HAPLN3: variants seen among roughly 807,000 people sequenced by gnomAD.
HAPLN3 encodes the protein extracellular link domain containing, 1.
Under a neutral mutation model 28.1 loss-of-function variants are expected in HAPLN3, and 28 were observed. The observed-to-expected ratio is 1.00, with a 90% CI of 0.74 to 1.37. The LOEUF is 1.37. HAPLN3 is among the 40% of genes most tolerant of loss of function. HAPLN3 has a pLI of 0.00. For synonymous variants in HAPLN3, 211 were observed against 213.1 expected, an observed-to-expected ratio of 0.99 and a Z score of 0.09; for missense variants, 513 against 504.6, an observed-to-expected ratio of 1.02 and a Z score of -0.16.
At chr15:88,887,032 G>C in intron 2 of HAPLN3, 143 bp downstream of exon 2, 2 of 879,376 alleles carry the variant, frequency 2.3e-6, no homozygotes, top group Non-Finnish European at 3.8e-6. Context: ...CCCTGTCTGA[G>C]AAGCAAGCTG....
intron 1 of HAPLN3, among the ~76,000 whole-genome samples, chr15:88,889,390 C>T (rs966282728): frequency 6.6e-6 from 1 of 152,106 alleles, no homozygotes; most frequent in African/African-American, 2.4e-5. Context: ...AGCTGGAGTG[C>T]CGTGGCAAGA....
chr15:88,883,500 G>A (rs1271463499), intron 2 of HAPLN3, among the ~76,000 whole-genome samples: 1 of 152,272 alleles, frequency 6.6e-6, no homozygotes, highest in Non-Finnish European at 1.5e-5. Flanking sequence ...CTGGCACACA[G>A]AAAGTGTCCA....
rs145987263 is a variant in HAPLN3, at chr15:88,895,289, C to A, written c.-48+170G>T. ...TTGTGCCCCGGGCGCCCCTCGCCCG[C>A]GATCACAGCCCATCTCAGCCCGGGC... On this transcript the variant is annotated intron_variant, in intron 1 of 4. Coordinates refer to ENST00000359595, the MANE Select transcript of HAPLN3 (RefSeq NM_178232.4). This position sits in a 1 kb window ranked among gnomAD's most constrained non-coding sequence, Gnocchi z 5.5. Among the ~76,000 whole-genome samples the A allele has an allele frequency of 0.017, 2,655 of 152,314 alleles. 66 individuals carry two copies. Among genetic ancestry groups the A allele is most frequent in the African/African-American group, 0.059 (2,470 of 41,570 alleles).
intron 1 of HAPLN3, chr15:88,893,156 C>T: frequency 1.4e-6 from 1 of 704,500 alleles, no homozygotes. Flanking sequence ...TGGCTCACAC[C>T]TGTAATCCTA....
At chr15:88,893,271 A>G (rs921470831) in intron 1 of HAPLN3, among the ~76,000 whole-genome samples, 34 of 152,030 alleles carry the variant, frequency 2.2e-4, no homozygotes, top group African/African-American at 8.0e-4. Flanking sequence ...TACAAAATTT[A>G]GCTGGGTGTG....
Position 88,877,718 on chromosome 15 carries a change from G to C in HAPLN3, c.*252C>G. On this transcript the variant is annotated 3_prime_UTR_variant, in exon 5 of 5. Transcript: ENST00000359595. This position sits in a 1 kb window ranked among gnomAD's most constrained non-coding sequence, Gnocchi z 5.1. ...GGAGGGAGACCAGCCTGGATGGCGG[G>C]GAACCCTCCAGAAGCCCACAAAACC... 1 of 470,928 alleles carries C rather than the reference G, an allele frequency of 2.1e-6. No homozygotes were observed. 29.2% of individuals were successfully genotyped at this position (470,928 alleles called of 1,614,324 possible).
intron 1 of HAPLN3, among the ~76,000 whole-genome samples, chr15:88,889,347 T>TG (rs1350525623): frequency 1.3e-5 from 2 of 151,978 alleles, no homozygotes; most frequent in South Asian, 4.1e-4. Context: ...TGTTTTGTTT[T>TG]TTTTTAAAGA....
intron 1 of HAPLN3, among the ~76,000 whole-genome samples, chr15:88,894,690 A>C (rs1898109838): frequency 6.6e-6 from 1 of 152,158 alleles, no homozygotes; most frequent in Non-Finnish European, 1.5e-5. Context: ...TCAGCGCTGG[A>C]CACCAAGGTC....
In HAPLN3 at chr15:88,888,808, GAGA is replaced by G. The variant is rs1253163848; in HGVS notation, c.-47-1466_-47-1464del. Among the ~76,000 whole-genome samples, 2 of 152,190 alleles carry G rather than the reference GAGA, an allele frequency of 1.3e-5. No homozygotes were observed. On this transcript the variant is annotated intron_variant, in intron 1 of 4. Coordinates refer to ENST00000359595, the MANE Select transcript of HAPLN3 (RefSeq NM_178232.4). This position sits in a 1 kb window ranked among gnomAD's most constrained non-coding sequence, Gnocchi z 4.1. The stretch of plus-strand genomic sequence containing the variant: ...TGAAGATGCAGGAGTTTGCCAGGTG[GAGA>G]AGGACTGACAGGTTTATCCAGTAGG...
chr15:88,883,568 C>T (rs572048164), intron 2 of HAPLN3, among the ~76,000 whole-genome samples: 4 of 152,356 alleles, frequency 2.6e-5, no homozygotes, highest in African/African-American at 9.6e-5. Flanking sequence ...TCCCAACTCT[C>T]TTAAGTAAAC....
intron 2 of HAPLN3, among the ~76,000 whole-genome samples, chr15:88,883,504 G>C (rs567472638): frequency 5.3e-5 from 8 of 152,344 alleles, no homozygotes; most frequent in African/African-American, 1.7e-4. Context: ...CACACAGAAA[G>C]TGTCCAATAA....
chr15:88,878,878 G>T lies in HAPLN3; in HGVS notation c.796+89C>A, dbSNP rs578149661. ...GGTGGCAGTACCAGCAGAGCCAGCA[G>T]AGGGGGCCAGAGCTCCCCAGAAGCT... On this transcript the variant is annotated intron_variant, in intron 4 of 4. Coordinates refer to ENST00000359595, the MANE Select transcript of HAPLN3 (RefSeq NM_178232.4). 8.1e-6 allele frequency: 11 copies of T among 1,352,074 alleles called. No individual in the cohort carries two copies. In the African/African-American group the frequency reaches 1.6e-4, roughly 20 times the overall value. The allele number at this position is 1,352,074 out of a possible 1,614,324, so 83.8% of individuals were successfully genotyped here.
Position 88,879,305 on chromosome 15 carries a change from C to A in HAPLN3, c.494-36G>T. On this transcript the variant is annotated intron_variant, in intron 3 of 4. Coordinates refer to ENST00000359595, the MANE Select transcript of HAPLN3 (RefSeq NM_178232.4). This position sits in a 1 kb window ranked among gnomAD's most constrained non-coding sequence, Gnocchi z 5.0. ...AGGAAAGAGGAGCTTAGGGGGTGGCCAGGGGCCCAGCTGGCTGGACACCCC... is the reference window on the plus strand; with the variant it reads ...AGGAAAGAGGAGCTTAGGGGGTGGCAAGGGGCCCAGCTGGCTGGACACCCC... The A allele has an allele frequency of 6.2e-7, 1 of 1,602,486 alleles. No homozygotes were observed. Among genetic ancestry groups the A allele is most frequent in the Non-Finnish European group, 8.5e-7 (1 of 1,177,658 alleles).
At position 88,880,835 on chromosome 15, in the gene HAPLN3, A is replaced by G. The variant is rs1052756917; in HGVS notation, c.493+522T>C. The stretch of plus-strand genomic sequence containing the variant: ...TATAAGCTTATCTTGTCAAGCCAGA[A>G]AATTTGGCAGTGGGGTCTGCATTCT... On this transcript the variant is annotated intron_variant, in intron 3 of 4. Transcript: ENST00000359595. This position sits in a 1 kb window ranked among gnomAD's most constrained non-coding sequence, Gnocchi z 6.0. Among the ~76,000 whole-genome samples, 3 of 152,162 alleles carry G rather than the reference A, an allele frequency of 2.0e-5. No homozygotes were observed. The highest frequency in any genetic ancestry group is 7.2e-5 in the African/African-American group (3 of 41,420).
In HAPLN3 at chr15:88,888,927, A is replaced by T. The variant is rs1897937578; in HGVS notation, c.-47-1582T>A. 6.6e-6 allele frequency among the ~76,000 whole-genome samples: 1 copy of T among 152,178 alleles called. No individual in the cohort carries two copies. The highest frequency in any genetic ancestry group is 1.5e-5 in the Non-Finnish European group (1 of 68,022). On this transcript the variant is annotated intron_variant, in intron 1 of 4. Transcript: ENST00000359595. This position sits in a 1 kb window ranked among gnomAD's most constrained non-coding sequence, Gnocchi z 4.1. The stretch of plus-strand genomic sequence containing the variant: ...AGGAGGTCCTCCATTTGCCCCACAC[A>T]CCCACCAGGTCCATCGTCTGTCCTT...
chr15:88,893,417 C>CAAAAAAA (rs563183384), intron 1 of HAPLN3, among the ~76,000 whole-genome samples: 1 of 134,616 alleles, frequency 7.4e-6, no homozygotes. Context: ...GACTCCAGCT[C>CAAAAAAA]AAAAAAAAAA....
rs759470748 is a variant in HAPLN3, at chr15:88,887,255, G to A, written c.44C>T (p.Ser15Phe). 26 of 1,614,056 alleles carry A rather than the reference G, an allele frequency of 1.6e-5. No individual in the cohort carries two copies. The highest frequency in any genetic ancestry group is 1.6e-4 in the Middle Eastern group (1 of 6,084). ...GCCGTTGTAGAAGGGCAGTCCGTAG[G>A]AGCCGGGCAGCAGGAGCAACGGGAC... ...LLVPLLLLPGSYGLPFYNGFY... is the reference protein window; with the variant it reads ...LLVPLLLLPGFYGLPFYNGFY... The change falls in exon 2 of 5, where the codon TCC (serine) becomes TTC (phenylalanine). Residue 15 changes from serine (S) to phenylalanine (F), a missense_variant. Ser to Phe is a radical substitution (Grantham distance 155, BLOSUM62 -2). Transcript: ENST00000359595.
chr15:88,877,823 T>C lies in HAPLN3; in HGVS notation c.*147A>G, dbSNP rs1897568749. On this transcript the variant is annotated 3_prime_UTR_variant, in exon 5 of 5. Transcript: ENST00000359595. This position sits in a 1 kb window ranked among gnomAD's most constrained non-coding sequence, Gnocchi z 5.1. ...AGGGAGGCATTGGGTTCTGTTTGCT[T>C]TACAAAAAATAGTAAAAAAATGTTT... 2.4e-6 allele frequency: 2 copies of C among 833,696 alleles called. No homozygotes were observed. The highest frequency in any genetic ancestry group is 3.1e-5 in the Admixed American group (1 of 32,116). 51.6% of individuals were successfully genotyped at this position (833,696 alleles called of 1,614,324 possible).
Position 88,881,680 on chromosome 15 carries a change from G to A in HAPLN3, c.170C>T (p.Thr57Ile), listed in dbSNP as rs979232909. 3 of 1,613,698 alleles carry A rather than the reference G, an allele frequency of 1.9e-6. No individual in the cohort carries two copies. The highest frequency in any genetic ancestry group is 1.7e-4 in the Middle Eastern group (1 of 6,032). Residue 57 changes from threonine to isoleucine, a missense_variant, in exon 3 of 5, where the codon ACC becomes ATC. Coordinates refer to ENST00000359595, the MANE Select transcript of HAPLN3 (RefSeq NM_178232.4). The surrounding 1 kb of genome is among the most constrained non-coding windows in gnomAD (Gnocchi z 6.0). ...ACTGGCCCCTTGGTAGGTGAACAGG[G>A]TCTCCTCGGGTGTCTCCACCACCAG... ...VKLVVETPEE[T>I]LFTYQGASVI...
Sources: gnomAD v4.1 joint callset for allele counts (sites outside exome capture counted in the v4.1 genomes callset) on GRCh38, gnomAD v4.1.1 for gene constraint, Gnocchi (gnomAD v3.1) non-coding constraint, MANE v1.5 for transcripts, NCBI Gene and HGNC (gene_info 2026-07-23, HGNC 2026-07-21) for gene names.